Variants in ELF2 observed in about 807,000 individuals in gnomAD.
The protein encoded by ELF2 is ETS-related transcription factor Elf-2.
Under a neutral mutation model 54.8 loss-of-function variants are expected in ELF2, and 11 were observed. That is an observed-to-expected ratio of 0.20 (90% CI 0.13 to 0.33). The LOEUF (loss-of-function observed/expected upper bound fraction) is 0.33. ELF2 is among the 10% of genes least tolerant of loss of function. The pLI is 1.00. For missense variants in ELF2, 513 were observed against 703.0 expected, an observed-to-expected ratio of 0.73 and a Z score of 3.06; for synonymous variants, 203 against 245.1, an observed-to-expected ratio of 0.83 and a Z score of 1.61.
chr4:139,081,752 C>T (rs1204407852), intron 4 of ELF2, among the ~76,000 whole-genome samples: 7 of 152,152 alleles, frequency 4.6e-5, no homozygotes, highest in Admixed American at 1.3e-4. Flanking sequence ...GGCCATCTTT[C>T]CTCCCTAACT....
chr4:139,133,437 A>C (rs1300070127), intron 3 of ELF2, among the ~76,000 whole-genome samples: 1 of 152,190 alleles, frequency 6.6e-6, no homozygotes, highest in Non-Finnish European at 1.5e-5. Flanking sequence ...ACCAATAACC[A>C]CACTGCCTCA....
At chr4:139,151,699 A>G (rs1050583303) in intron 1 of ELF2, among the ~76,000 whole-genome samples, 1 of 152,228 alleles carries the variant, frequency 6.6e-6, no homozygotes, top group Non-Finnish European at 1.5e-5. Flanking sequence ...GAGGTTAAAA[A>G]GGGTACTGAT....
In ELF2 at chr4:139,059,387, T is replaced by C; in HGVS notation, c.1378A>G (p.Ile460Val). The change falls in exon 10 of 10, where the codon ATT (isoleucine) becomes GTT (valine). Residue 460 changes from isoleucine (I) to valine (V), a missense_variant. By Grantham distance (29) the Ile-to-Val change is conservative. Around this residue, in one of 3 missense-constraint regions of ELF2, gnomAD observed 291 missense variants for 366.1 expected, o/e 0.79. Coordinates refer to ENST00000686138, the MANE Select transcript of ELF2 (RefSeq NM_001331036.3). The part of the protein sequence containing the change: ...DKITMQPAKI[I>V]TIPATQLAQC... ...GCAAGCTGTGTAGCTGGGATGGTAA[T>C]AATTTTGGCAGGCTGCATGGTGATT... 1 of 1,613,970 alleles carries C rather than the reference T, an allele frequency of 6.2e-7. No individual in the cohort carries two copies.
chr4:139,115,430 G>A (rs1424847290), intron 4 of ELF2: 14 of 987,266 alleles, frequency 1.4e-5, no homozygotes, highest in Admixed American at 6.2e-5. Context: ...CACCGCCTCC[G>A]GGACGCCCCC....
At chr4:139,167,684 A>C (rs929188007) in intron 1 of ELF2, among the ~76,000 whole-genome samples, 1 of 152,174 alleles carries the variant, frequency 6.6e-6, no homozygotes, top group African/African-American at 2.4e-5. Context: ...AGAATTATTA[A>C]AACAGAAATT....
At chr4:139,115,518 G>GGGCCT (rs1237267535) in intron 4 of ELF2, 2 of 470,662 alleles carry the variant, frequency 4.2e-6, no homozygotes, top group Admixed American at 6.4e-5. Flanking sequence ...CGGAGCCCCC[G>GGGCCT]GGCCTGGCCT....
chr4:139,145,859 C>CA (rs1739176532), intron 1 of ELF2, among the ~76,000 whole-genome samples: 1 of 151,800 alleles, frequency 6.6e-6, no homozygotes, highest in Admixed American at 6.6e-5. Context: ...TAAAAACACC[C>CA]AAAAAACAAG....
At chr4:139,177,555 A>G (rs145857370), upstream of ELF2, among the ~76,000 whole-genome samples, 369 of 151,846 alleles carry the variant, frequency 2.4e-3, 3 homozygotes, top group African/African-American at 8.6e-3. Flanking sequence ...CCAGGTAAAG[A>G]CGCTCGTCAC....
chr4:139,110,433 T>C (rs1381897486), intron 4 of ELF2, among the ~76,000 whole-genome samples: 2 of 152,154 alleles, frequency 1.3e-5, no homozygotes, highest in Non-Finnish European at 2.9e-5. Context: ...AAAAAAAAAC[T>C]AATCTTTGTT....
At chr4:139,083,164 C>T (rs1413990722) in intron 4 of ELF2, among the ~76,000 whole-genome samples, 2 of 146,346 alleles carry the variant, frequency 1.4e-5, no homozygotes, top group South Asian at 2.4e-4. Flanking sequence ...GAGGCGCTTC[C>T]GCTGTGGTGG....
chr4:139,161,159 A>G (rs1361596630), intron 1 of ELF2, among the ~76,000 whole-genome samples: 1 of 152,198 alleles, frequency 6.6e-6, no homozygotes, highest in Non-Finnish European at 1.5e-5. Flanking sequence ...ATTGGTTTAG[A>G]TAAGTGAGTG....
At chr4:139,084,291 C>T (rs1305895467) in intron 4 of ELF2, 4 of 1,599,432 alleles carry the variant, frequency 2.5e-6, no homozygotes, top group Admixed American at 1.7e-5. Flanking sequence ...ACACGCCGTG[C>T]GACCGACACA....
At chr4:139,060,732 C>A in intron 8 of ELF2, 58 bp from the exon 9 acceptor site, 1 of 1,428,452 alleles carries the variant, frequency 7.0e-7, no homozygotes, top group Non-Finnish European at 9.5e-7. Context: ...CCCCACTCCA[C>A]CCCCGCCAAA....
At chr4:139,163,036 T>C (rs538571678) in intron 1 of ELF2, among the ~76,000 whole-genome samples, 5 of 152,204 alleles carry the variant, frequency 3.3e-5, no homozygotes, top group Admixed American at 2.0e-4. Flanking sequence ...GTTCAAGTTA[T>C]AGTACGCTAT....
chr4:139,165,715 G>A (rs1486019973), intron 1 of ELF2, among the ~76,000 whole-genome samples: 1 of 152,136 alleles, frequency 6.6e-6, no homozygotes, highest in Admixed American at 6.6e-5. Context: ...ACTTTAGGAT[G>A]TTCCACAAGG....
At position 139,063,651 on chromosome 4, in the gene ELF2, A is replaced by G. The variant is rs147464283; in HGVS notation, c.614-1594T>C. Among the ~76,000 whole-genome samples, 4 of 152,338 alleles carry G rather than the reference A, an allele frequency of 2.6e-5. No individual in the cohort carries two copies. In the East Asian group the frequency reaches 7.7e-4, roughly 29 times the overall value. On this transcript the variant is annotated intron_variant, in intron 7 of 9. Transcript: ENST00000686138. ...GGGGAAAGAAAGTAGATGACAAGTTAAACAACAATGCAAGAAATAAATAAC... is the reference window on the plus strand; with the variant it reads ...GGGGAAAGAAAGTAGATGACAAGTTGAACAACAATGCAAGAAATAAATAAC...
At chr4:139,122,025 AC>A (rs1253017355) in intron 4 of ELF2, among the ~76,000 whole-genome samples, 3 of 152,226 alleles carry the variant, frequency 2.0e-5, no homozygotes, top group African/African-American at 4.8e-5. Flanking sequence ...AACACAAATG[AC>A]AATAGAACAC....
chr4:139,177,417 G>C (rs1183190793), upstream of ELF2, among the ~76,000 whole-genome samples: 1 of 151,886 alleles, frequency 6.6e-6, no homozygotes, highest in Non-Finnish European at 1.5e-5. Flanking sequence ...TGTCAAACGC[G>C]GGCCGGCTAT....
intron 3 of ELF2, 101 bp downstream of exon 3, chr4:139,137,529 G>A (rs922508048): frequency 3.4e-6 from 4 of 1,168,114 alleles, no homozygotes; most frequent in South Asian, 1.3e-5. Context: ...TTCATGCTTT[G>A]TACATTTTTA....
Sources: allele counts gnomAD v4.1 joint callset (sites outside exome capture counted in the v4.1 genomes callset), GRCh38; gene constraint gnomAD v4.1.1; regional missense constraint gnomAD v4.1.1; transcripts MANE v1.5; gene names NCBI Gene and HGNC (gene_info 2026-07-23, HGNC 2026-07-21).